NAALADL2: variants seen among roughly 807,000 people sequenced by gnomAD.
NAALADL2 encodes the protein N-acetylated alpha-linked acidic dipeptidase like 2.
Under a neutral mutation model 87.2 loss-of-function variants are expected in NAALADL2, and 76 were observed. The ratio of observed to expected loss-of-function variants is 0.87; its 90% CI spans 0.72 to 1.05. The LOEUF is 1.05. NAALADL2 is among the 50% of genes least tolerant of loss of function. NAALADL2 has a pLI of 0.00. For missense variants in NAALADL2, 1,089 were observed against 945.8 expected, an observed-to-expected ratio of 1.15 and a Z score of -1.99; for synonymous variants, 354 against 331.0, an observed-to-expected ratio of 1.07 and a Z score of -0.75.
At chr3:174,843,993 C>T (rs1724309752) in intron 3 of NAALADL2, among the ~76,000 whole-genome samples, 1 of 152,034 alleles carries the variant, frequency 6.6e-6, no homozygotes, top group Non-Finnish European at 1.5e-5. Context: ...CACTCATTTC[C>T]TTTGCTATGC....
intron 1 of NAALADL2, among the ~76,000 whole-genome samples, chr3:174,451,907 A>G (rs1021240286): frequency 1.5e-5 from 2 of 133,424 alleles, no homozygotes; most frequent in East Asian, 2.3e-4. Context: ...CAGTGGCACA[A>G]TCTTGGCTTA....
chr3:174,961,014 G>A lies in NAALADL2; in HGVS notation c.43+101564G>A, dbSNP rs77183397. ...ATCATGCCATTCCACTCCAGAGTGG[G>A]CTACAGAACAAGACCTTGTTTCTAA... On this transcript the variant is annotated intron_variant, in intron 1 of 13. Transcript: ENST00000454872. Among the ~76,000 whole-genome samples, 179 of 148,346 alleles carry A rather than the reference G, an allele frequency of 1.2e-3. 4 individuals carry two copies. In the East Asian group the frequency reaches 0.033, roughly 27 times the overall value.
At chr3:174,581,785 G>A (rs780183509) in intron 2 of NAALADL2, among the ~76,000 whole-genome samples, 4 of 152,148 alleles carry the variant, frequency 2.6e-5, no homozygotes, top group African/African-American at 9.7e-5. Context: ...ACTGATGCAT[G>A]TCATCTCTGG....
At chr3:175,267,561 A>C (rs1465177008) in intron 4 of NAALADL2, among the ~76,000 whole-genome samples, 3 of 152,178 alleles carry the variant, frequency 2.0e-5, no homozygotes, top group Non-Finnish European at 2.9e-5. Flanking sequence ...CTTTTTAAAA[A>C]GACAGTTTAT....
intron 3 of NAALADL2, among the ~76,000 whole-genome samples, chr3:174,822,273 C>A (rs1032771747): frequency 6.6e-5 from 10 of 152,082 alleles, no homozygotes; most frequent in African/African-American, 2.4e-4. Flanking sequence ...GTGATAAACC[C>A]GACGGCCCCT....
intron 2 of NAALADL2, among the ~76,000 whole-genome samples, chr3:175,194,080 T>C (rs1160519548): frequency 6.6e-6 from 1 of 151,884 alleles, no homozygotes; most frequent in African/African-American, 2.4e-5. Context: ...CAGAATGTCA[T>C]TGTAAACAAT....
intron 3 of NAALADL2, among the ~76,000 whole-genome samples, chr3:174,781,983 G>C (rs1410209876): frequency 1.3e-5 from 2 of 152,058 alleles, no homozygotes; most frequent in Non-Finnish European, 2.9e-5. Flanking sequence ...TATGCCCCAG[G>C]AGACAGTACA....
intron 13 of NAALADL2, chr3:175,773,072 A>G (rs530576015): frequency 6.6e-6 from 1 of 152,294 alleles, no homozygotes; most frequent in Non-Finnish European, 1.5e-5. Context: ...GGATCTTATA[A>G]TTAGTAAACT....
intron 2 of NAALADL2, among the ~76,000 whole-genome samples, chr3:174,642,507 TAAAAAA>T (rs10576356): frequency 6.5e-5 from 8 of 122,522 alleles, no homozygotes; most frequent in East Asian, 4.5e-4. Context: ...TCTCTGGGGA[TAAAAAA>T]AAAAAAAAAA....
chr3:174,625,057 C>CT (rs1553802468), intron 2 of NAALADL2, among the ~76,000 whole-genome samples: 172 of 78,848 alleles, frequency 2.2e-3, no homozygotes, highest in Middle Eastern at 8.9e-3. Flanking sequence ...CTCTCTCTCT[C>CT]TTTTTTTTTT....
At chr3:175,433,688 C>A (rs866298532) in intron 5 of NAALADL2, among the ~76,000 whole-genome samples, 95 of 151,998 alleles carry the variant, frequency 6.3e-4, no homozygotes, top group African/African-American at 2.2e-3. Flanking sequence ...GACTTTTATC[C>A]CTAGCCTTTT....
intron 4 of NAALADL2, among the ~76,000 whole-genome samples, chr3:175,286,073 C>T (rs973122618): frequency 5.3e-5 from 8 of 152,062 alleles, no homozygotes; most frequent in African/African-American, 1.4e-4. Flanking sequence ...TACAGGAAAA[C>T]AAGTATGTTT....
intron 2 of NAALADL2, among the ~76,000 whole-genome samples, chr3:174,605,389 G>A (rs976547662): frequency 6.6e-6 from 1 of 152,208 alleles, no homozygotes; most frequent in Admixed American, 6.5e-5. Flanking sequence ...GAAGCACAAG[G>A]GGTCAGGGAG....
intron 2 of NAALADL2, among the ~76,000 whole-genome samples, chr3:174,679,960 A>G (rs969088430): frequency 2.6e-5 from 4 of 152,118 alleles, no homozygotes; most frequent in Non-Finnish European, 4.4e-5. Context: ...AGGGTGCCCA[A>G]TCTTCAGAGT....
chr3:175,731,996 T>G (rs1031718515), intron 11 of NAALADL2, among the ~76,000 whole-genome samples: 5 of 152,168 alleles, frequency 3.3e-5, no homozygotes, highest in African/African-American at 4.8e-5. Flanking sequence ...TATAAATAAT[T>G]TATTTTTATA....
At chr3:174,936,312 C>T (rs538275068) in intron 1 of NAALADL2, among the ~76,000 whole-genome samples, 3 of 152,096 alleles carry the variant, frequency 2.0e-5, no homozygotes, top group East Asian at 1.9e-4. Flanking sequence ...TTGTACTCTA[C>T]ATGTACCTTG....
chr3:175,199,512 C>T (rs1050452460), intron 2 of NAALADL2, among the ~76,000 whole-genome samples: 1 of 151,726 alleles, frequency 6.6e-6, no homozygotes, highest in African/African-American at 2.4e-5. Flanking sequence ...TGTGTGTGTG[C>T]CTTATGCACT....
intron 5 of NAALADL2, among the ~76,000 whole-genome samples, chr3:175,383,683 A>G (rs984368844): frequency 2.0e-5 from 3 of 151,962 alleles, no homozygotes; most frequent in Admixed American, 6.6e-5. Flanking sequence ...AGTATAAGGG[A>G]AAAAAAATGT....
At chr3:174,864,110 G>A (rs750001317) in intron 1 of NAALADL2, 1 of 454,702 alleles carries the variant, frequency 2.2e-6, no homozygotes, top group African/African-American at 2.0e-5. Context: ...ACCTAAATGA[G>A]TGAGTTAGGC....
Sources: gnomAD v4.1 joint callset for allele counts (sites outside exome capture counted in the v4.1 genomes callset) on GRCh38, gnomAD v4.1.1 for gene constraint, MANE v1.5 for transcripts, NCBI Gene and HGNC (gene_info 2026-07-23, HGNC 2026-07-21) for gene names.